Variants in SLC24A2 observed in about 807,000 individuals in gnomAD.
SLC24A2 encodes sodium/potassium/calcium exchanger 2.
In SLC24A2, 36 loss-of-function variants were observed where a neutral mutation model predicts 62.0. The observed-to-expected ratio is 0.58, with a 90% CI of 0.44 to 0.77. SLC24A2 has a LOEUF of 0.77. Among genes scored for constraint, SLC24A2 ranks in the 30% least tolerant of loss-of-function variants. The pLI is 0.00. For synonymous variants in SLC24A2, 358 were observed against 294.0 expected (o/e 1.22, Z -2.23); for missense variants, 846 against 817.9 (o/e 1.03, Z -0.42).
At chr9:19,837,766 T>C in the SLC24A2 span, among the ~76,000 whole-genome samples, 6 of 151,682 alleles carry the variant, frequency 4.0e-5, no homozygotes, top group African/African-American at 9.7e-5. Context: ...CATTCTTATA[T>C]ACCAATAACA....
the SLC24A2 span, among the ~76,000 whole-genome samples, chr9:19,855,389 G>T: frequency 6.6e-6 from 1 of 152,082 alleles, no homozygotes; most frequent in Non-Finnish European, 1.5e-5. Context: ...TAGTGTCATT[G>T]GTCTGTGTAC....
chr9:19,573,529 C>CACACACACAGAG (rs1390433234), intron 6 of SLC24A2, 60 bp from the exon 7 acceptor site: 21 of 432,666 alleles, frequency 4.9e-5, no homozygotes, highest in East Asian at 4.5e-4. Context: ...CACACACACA[C>CACACACACAGAG]AGAGAGAGAG....
At chr9:19,823,804 G>GT in the SLC24A2 span, among the ~76,000 whole-genome samples, 1 of 152,094 alleles carries the variant, frequency 6.6e-6, no homozygotes, top group Non-Finnish European at 1.5e-5. Context: ...AAAGAGCATG[G>GT]TACTGGTACC....
the SLC24A2 span, among the ~76,000 whole-genome samples, chr9:19,883,247 T>C: frequency 6.6e-6 from 1 of 152,214 alleles, no homozygotes; most frequent in Non-Finnish European, 1.5e-5. Flanking sequence ...AACCATTTTA[T>C]CTATCCCAAT....
the SLC24A2 span, among the ~76,000 whole-genome samples, chr9:19,875,594 C>T: frequency 6.6e-6 from 1 of 152,088 alleles, no homozygotes; most frequent in Admixed American, 6.5e-5. Flanking sequence ...AACTTGTCAC[C>T]ATTTTGAAGA....
chr9:20,051,657 C>CTTTTTTTTTTTTTTTTTTT, the SLC24A2 span, among the ~76,000 whole-genome samples: 64 of 73,498 alleles, frequency 8.7e-4, 1 homozygote, highest in African/African-American at 1.2e-3. Flanking sequence ...TTTTCTTTCT[C>CTTTTTTTTTTTTTTTTTTT]TTTTTTTTTT....
At chr9:20,151,931 C>G in the SLC24A2 span, among the ~76,000 whole-genome samples, 9 of 151,636 alleles carry the variant, frequency 5.9e-5, no homozygotes, top group Admixed American at 4.6e-4. Context: ...GCATGAATTT[C>G]TATTATAACT....
intron 5 of SLC24A2, among the ~76,000 whole-genome samples, chr9:19,588,237 C>A (rs1374787866): frequency 6.6e-6 from 1 of 150,882 alleles, no homozygotes; most frequent in African/African-American, 2.4e-5. Context: ...ATTCAAGTGC[C>A]CAGAAAAATC....
At chr9:19,870,027 T>C in the SLC24A2 span, among the ~76,000 whole-genome samples, 1 of 152,242 alleles carries the variant, frequency 6.6e-6, no homozygotes, top group Admixed American at 6.5e-5. Flanking sequence ...AAAAATGAAA[T>C]ATAATCACAT....
chr9:19,575,195 G>C (rs10964225), intron 6 of SLC24A2, among the ~76,000 whole-genome samples: 15,136 of 152,246 alleles, frequency 0.099, 777 homozygotes, highest in Middle Eastern at 0.11. Flanking sequence ...CAAGTTTTTA[G>C]TAGTGACAGC....
At chr9:20,090,929 C>CA in the SLC24A2 span, among the ~76,000 whole-genome samples, 1 of 151,634 alleles carries the variant, frequency 6.6e-6, no homozygotes, top group Admixed American at 6.6e-5. Flanking sequence ...AGGAGAACAG[C>CA]AAAACCCAAT....
At chr9:20,172,761 C>T in the SLC24A2 span, among the ~76,000 whole-genome samples, 1 of 151,956 alleles carries the variant, frequency 6.6e-6, no homozygotes, top group Non-Finnish European at 1.5e-5. Flanking sequence ...ATGAATTCTA[C>T]CAGACATTCG....
the SLC24A2 span, among the ~76,000 whole-genome samples, chr9:20,077,711 C>T: frequency 2.6e-5 from 4 of 152,196 alleles, no homozygotes; most frequent in Non-Finnish European, 5.9e-5. Flanking sequence ...GAAGAAGAAA[C>T]CTCTATTTAC....
At chr9:20,233,905 C>G in the SLC24A2 span, among the ~76,000 whole-genome samples, 1 of 152,252 alleles carries the variant, frequency 6.6e-6, no homozygotes, top group South Asian at 2.1e-4. Flanking sequence ...TTCAGGAGCT[C>G]TTTTAGGGCA....
chr9:19,682,270 T>C (rs1819744911), intron 2 of SLC24A2, among the ~76,000 whole-genome samples: 1 of 152,160 alleles, frequency 6.6e-6, no homozygotes, highest in Non-Finnish European at 1.5e-5. Context: ...ACACGTGAAA[T>C]GACATTGAAT....
intron 2 of SLC24A2, among the ~76,000 whole-genome samples, chr9:19,706,406 G>A (rs1451591629): frequency 1.4e-5 from 2 of 144,976 alleles, no homozygotes; most frequent in African/African-American, 2.6e-5. Flanking sequence ...TTGAGACGGA[G>A]TTTCGCTCTG....
chr9:19,608,797 C>A (rs923438467), intron 4 of SLC24A2, among the ~76,000 whole-genome samples: 3 of 151,886 alleles, frequency 2.0e-5, no homozygotes, highest in Admixed American at 1.3e-4. Context: ...CACACATACA[C>A]ACACACACAC....
chr9:19,661,414 G>A (rs1357909265), intron 2 of SLC24A2, among the ~76,000 whole-genome samples: 1 of 152,060 alleles, frequency 6.6e-6, no homozygotes, highest in Non-Finnish European at 1.5e-5. Context: ...TATCCATGCA[G>A]GGTCTTGCTT....
At chr9:20,100,501 C>A in the SLC24A2 span, among the ~76,000 whole-genome samples, 1 of 152,158 alleles carries the variant, frequency 6.6e-6, no homozygotes, top group African/African-American at 2.4e-5. Flanking sequence ...CATTTCTCAT[C>A]ATAAGTGCAG....
Sources: gnomAD v4.1 joint callset for allele counts (sites outside exome capture counted in the v4.1 genomes callset) on GRCh38, gnomAD v4.1.1 for gene constraint, MANE v1.5 for transcripts, NCBI Gene and HGNC (gene_info 2026-07-23, HGNC 2026-07-21) for gene names.